CWC27: variants seen among roughly 807,000 people sequenced by gnomAD.
The protein encoded by CWC27 is spliceosome-associated protein CWC27 homolog.
CWC27 carries 47 observed loss-of-function variants against 63.6 expected under a neutral mutation model. The ratio of observed to expected loss-of-function variants is 0.74; its 90% CI spans 0.58 to 0.94. CWC27 has a LOEUF of 0.94. Among genes scored for constraint, CWC27 ranks in the 40% least tolerant of loss-of-function variants. CWC27 has a pLI of 0.00. For missense variants in CWC27, 495 were observed against 554.3 expected (o/e 0.89, Z 1.07); for synonymous variants, 175 against 179.8 (o/e 0.97, Z 0.22).
chr5:64,898,220 G>C (rs1304575188), intron 11 of CWC27, among the ~76,000 whole-genome samples: 2 of 152,106 alleles, frequency 1.3e-5, no homozygotes, highest in East Asian at 1.9e-4. Context: ...TGATTTCCAA[G>C]TATGTTAATG....
At chr5:64,880,125 T>C (rs1580698629) in intron 10 of CWC27, among the ~76,000 whole-genome samples, 1 of 152,028 alleles carries the variant, frequency 6.6e-6, no homozygotes, top group East Asian at 1.9e-4. Flanking sequence ...CTCTTATTTG[T>C]CCTGCAGTAC....
chr5:64,818,659 T>G (rs1218000946), intron 10 of CWC27, among the ~76,000 whole-genome samples: 1 of 152,172 alleles, frequency 6.6e-6, no homozygotes, highest in East Asian at 1.9e-4. Context: ...TGTATGTACA[T>G]GTCTAGTCAC....
intron 7 of CWC27, among the ~76,000 whole-genome samples, chr5:64,798,429 T>C (rs1454697650): frequency 1.3e-5 from 2 of 152,208 alleles, no homozygotes; most frequent in Non-Finnish European, 1.5e-5. Flanking sequence ...CCCCCGTTTT[T>C]CATAGTCAGA....
chr5:64,877,391 T>C (rs927298559), intron 10 of CWC27, among the ~76,000 whole-genome samples: 2 of 151,986 alleles, frequency 1.3e-5, no homozygotes, highest in African/African-American at 4.8e-5. Flanking sequence ...TGCAGAATGA[T>C]AGATACCAGA....
chr5:64,972,566 T>C, intron 12 of CWC27: 2 of 387,104 alleles, frequency 5.2e-6, no homozygotes, highest in South Asian at 4.1e-5. Flanking sequence ...GGACACACCA[T>C]TTTAGTTGTA....
At chr5:64,897,553 G>A (rs1291311990) in intron 11 of CWC27, among the ~76,000 whole-genome samples, 2 of 152,128 alleles carry the variant, frequency 1.3e-5, no homozygotes, top group Non-Finnish European at 2.9e-5. Flanking sequence ...CATGGACACA[G>A]GGCAGAGAAC....
At chr5:64,988,804 A>G (rs956628898) in intron 13 of CWC27, among the ~76,000 whole-genome samples, 1 of 152,018 alleles carries the variant, frequency 6.6e-6, no homozygotes, top group African/African-American at 2.4e-5. Flanking sequence ...GGGTTTCTCC[A>G]TGTTGGTCAG....
chr5:64,962,057 A>G (rs2112434446), intron 11 of CWC27, among the ~76,000 whole-genome samples: 1 of 152,336 alleles, frequency 6.6e-6, no homozygotes, highest in South Asian at 2.1e-4. Flanking sequence ...TATTAGAAAA[A>G]CAGAATTATT....
chr5:64,789,060 G>T, intron 7 of CWC27, 40 bp downstream of exon 7: 16 of 1,403,542 alleles, frequency 1.1e-5, no homozygotes, highest in Non-Finnish European at 1.6e-5. Context: ...TTACAAAAGA[G>T]ATTGGGGTCT....
intron 10 of CWC27, among the ~76,000 whole-genome samples, chr5:64,831,511 TAGAC>T (rs1048913501): frequency 2.6e-5 from 4 of 151,692 alleles, no homozygotes; most frequent in East Asian, 1.9e-4. Flanking sequence ...GATAGATAGA[TAGAC>T]AGACACATAG....
In CWC27 at chr5:64,916,867, T is replaced by C. The variant is rs188540543; in HGVS notation, c.1042+31321T>C. ...TAACCTCTGAAATATGTGGTAACTT[T>C]TGGTGGCAGTAGTAGTATTAGTAGT... On this transcript the variant is annotated intron_variant, in intron 11 of 13. Coordinates refer to ENST00000381070, the MANE Select transcript of CWC27 (RefSeq NM_005869.4). Among the ~76,000 whole-genome samples, 94 of 148,432 alleles carry C rather than the reference T, an allele frequency of 6.3e-4. 1 individual carries two copies. The highest frequency in any genetic ancestry group is 2.3e-3 in the African/African-American group (90 of 39,622).
At chr5:64,920,757 G>C (rs1448184347) in intron 11 of CWC27, among the ~76,000 whole-genome samples, 1 of 152,086 alleles carries the variant, frequency 6.6e-6, no homozygotes, top group Non-Finnish European at 1.5e-5. Flanking sequence ...GTCTCTAATA[G>C]TTTCCAAGGA....
intron 11 of CWC27, among the ~76,000 whole-genome samples, chr5:64,966,917 A>G (rs1749025083): frequency 6.6e-6 from 1 of 152,062 alleles, no homozygotes; most frequent in Non-Finnish European, 1.5e-5. Flanking sequence ...TTTTTGTCCA[A>G]CTAACCTTTC....
At chr5:64,801,434 T>A in intron 9 of CWC27, 102 bp downstream of exon 9, 1 of 967,958 alleles carries the variant, frequency 1.0e-6, no homozygotes, top group Non-Finnish European at 1.4e-6. Flanking sequence ...CGTATATTAC[T>A]TTTATAGTTA....
rs773025110 is a variant in CWC27, at chr5:64,971,741, A to G, written c.1081A>G (p.Arg361Gly). Residue 361 changes from arginine (R) to glycine (G), a missense_variant, in exon 12 of 14, where the codon AGA (arginine) becomes GGA (glycine). By Grantham distance (125) the Arg-to-Gly change is moderately radical. Around this residue, in one of 3 missense-constraint regions of CWC27, gnomAD observed 463 missense variants for 498.1 expected, o/e 0.93. Transcript: ENST00000381070. ...APPDGAVAEYRREKQKYEALR... is the reference protein window; with the variant it reads ...APPDGAVAEYGREKQKYEALR... ...TCCAGATGGTGCTGTTGCCGAATAC[A>G]GAAGAGAAAAGCAAAAGTATGAAGC... 1.9e-6 allele frequency: 3 copies of G among 1,611,822 alleles called. No homozygotes were observed. Among genetic ancestry groups the G allele is most frequent in the Admixed American group, 1.7e-5 (1 of 59,828 alleles).
chr5:64,783,889 A>C lies in CWC27; in HGVS notation c.306A>C (p.Ala102=), dbSNP rs1171001205. The change falls in exon 4 of 14, where the codon GCA becomes GCC. Residue 102 remains alanine (A), a synonymous_variant. Transcript: ENST00000381070. Reference sequence around the variant, plus strand: ...ATCGGAGAGGACTGGTTGCCATGGCAAATGCTGGTTCTCATGATAATGGCA... The same window carrying C: ...ATCGGAGAGGACTGGTTGCCATGGCCAATGCTGGTTCTCATGATAATGGCA... ...RFNRRGLVAM[A]NAGSHDNGSQ... 1 of 1,605,200 alleles carries C rather than the reference A, an allele frequency of 6.2e-7. No homozygotes were observed. The highest frequency in any genetic ancestry group is 8.5e-7 in the Non-Finnish European group (1 of 1,176,498).
intron 7 of CWC27, among the ~76,000 whole-genome samples, chr5:64,792,114 T>C (rs1744103507): frequency 6.6e-6 from 1 of 152,112 alleles, no homozygotes; most frequent in African/African-American, 2.4e-5. Context: ...CCAAATTTCT[T>C]GTCCTATTAT....
At chr5:64,794,140 C>T (rs914153835) in intron 7 of CWC27, among the ~76,000 whole-genome samples, 1 of 152,094 alleles carries the variant, frequency 6.6e-6, no homozygotes, top group Admixed American at 6.6e-5. Context: ...AGACTGACTT[C>T]ATTTCCTTTT....
At chr5:64,786,773 T>G (rs1743900865) in intron 6 of CWC27, 146 bp downstream of exon 6, 1 of 567,456 alleles carries the variant, frequency 1.8e-6, no homozygotes. Flanking sequence ...AGTGTGTGGT[T>G]GTATTAGTTC....
Sources: allele counts gnomAD v4.1 joint callset (sites outside exome capture counted in the v4.1 genomes callset), GRCh38; gene constraint gnomAD v4.1.1; regional missense constraint gnomAD v4.1.1; transcripts MANE v1.5; gene names NCBI Gene and HGNC (gene_info 2026-07-23, HGNC 2026-07-21).